PRKCH: variants seen among roughly 807,000 people sequenced by gnomAD.
PRKCH encodes protein kinase C eta, also known as protein kinase C eta type.
In PRKCH, 28 loss-of-function variants were observed where a neutral mutation model predicts 82.5. The ratio of observed to expected loss-of-function variants is 0.34; its 90% CI spans 0.25 to 0.47. PRKCH has a LOEUF of 0.47. PRKCH is among the 20% of genes least tolerant of loss of function. PRKCH has a pLI of 1.00. For synonymous variants in PRKCH, 322 were observed against 327.4 expected, an observed-to-expected ratio of 0.98 and a Z score of 0.18; for missense variants, 705 against 881.8, an observed-to-expected ratio of 0.80 and a Z score of 2.54.
intron 1 of PRKCH, among the ~76,000 whole-genome samples, chr14:61,385,830 G>A (rs1379716287): frequency 6.6e-6 from 1 of 152,148 alleles, no homozygotes; most frequent in African/African-American, 2.4e-5. Flanking sequence ...TGGGGACAGG[G>A]CATAATGACT....
intron 13 of PRKCH, among the ~76,000 whole-genome samples, chr14:61,548,915 G>T (rs1368767893): frequency 6.6e-6 from 1 of 150,386 alleles, no homozygotes; most frequent in African/African-American, 2.4e-5. Context: ...GGTAAGAGCA[G>T]TGAGATGTGT....
intron 1 of PRKCH, chr14:61,353,387 G>A (rs2140151841): frequency 6.6e-6 from 1 of 152,222 alleles, no homozygotes; most frequent in South Asian, 2.1e-4. Context: ...ATCTGTAGCT[G>A]TTTGAGACTT....
At chr14:61,355,276 C>T (rs1189719807) in intron 1 of PRKCH, among the ~76,000 whole-genome samples, 4 of 152,104 alleles carry the variant, frequency 2.6e-5, no homozygotes, top group Admixed American at 2.6e-4. Context: ...TTGCACTGAA[C>T]ACCATTATCA....
At chr14:61,526,626 G>T (rs1444327791) in intron 10 of PRKCH, among the ~76,000 whole-genome samples, 1 of 152,222 alleles carries the variant, frequency 6.6e-6, no homozygotes, top group Non-Finnish European at 1.5e-5. Context: ...ATCCAGGCTG[G>T]ACAGAGACCA....
At chr14:61,369,546 C>G (rs1308768270) in intron 1 of PRKCH, among the ~76,000 whole-genome samples, 1 of 152,036 alleles carries the variant, frequency 6.6e-6, no homozygotes, top group Non-Finnish European at 1.5e-5. Context: ...CTTTTCCCAG[C>G]CTTGATTTCC....
chr14:61,280,405 T>C lies in PRKCH; in HGVS notation c.-19+92737T>C, dbSNP rs375354611. 2.5e-6 allele frequency: 4 copies of C among 1,613,856 alleles called. No homozygotes were observed. The highest frequency in any genetic ancestry group is 3.4e-6 in the Non-Finnish European group (4 of 1,179,902). On this transcript the variant is annotated intron_variant, in intron 1 of 3. Transcript: ENST00000555185. The surrounding 1 kb of genome is among the most constrained non-coding windows in gnomAD (Gnocchi z 5.0). ...CGTGCGCATCCACACCACGAAGTCC[T>C]GATTGATGAAGCCGGTGTTGTTGGG... is the stretch of plus-strand genomic sequence containing the variant.
At chr14:61,262,402 G>A (rs1008359369) in intron 1 of PRKCH, among the ~76,000 whole-genome samples, 8 of 152,048 alleles carry the variant, frequency 5.3e-5, no homozygotes, top group Non-Finnish European at 1.0e-4. Flanking sequence ...AATCTCAAAA[G>A]CATTGCGGGG....
intron 1 of PRKCH, among the ~76,000 whole-genome samples, chr14:61,214,097 C>T (rs954116475): frequency 3.9e-5 from 6 of 152,174 alleles, no homozygotes; most frequent in African/African-American, 7.2e-5. Flanking sequence ...AAGCAGCCCA[C>T]GTGAGTCACA....
At chr14:61,266,085 G>A (rs947540735) in intron 1 of PRKCH, among the ~76,000 whole-genome samples, 24 of 151,166 alleles carry the variant, frequency 1.6e-4, no homozygotes, top group Non-Finnish European at 3.1e-4. Context: ...CTTTAAGAGG[G>A]AGAAAGAGTT....
At chr14:61,445,904 G>C (rs1401569525) in intron 4 of PRKCH, among the ~76,000 whole-genome samples, 178 bp downstream of exon 4, 2 of 152,120 alleles carry the variant, frequency 1.3e-5, no homozygotes, top group Admixed American at 6.5e-5. Flanking sequence ...CCATATTTTA[G>C]ACAATGTAAA....
chr14:61,216,849 G>T lies in PRKCH; in HGVS notation c.-19+29181G>T, dbSNP rs2044619743. 1.3e-5 allele frequency among the ~76,000 whole-genome samples: 2 copies of T among 152,172 alleles called. 1 individual carries two copies. The highest frequency in any genetic ancestry group is 2.9e-5 in the Non-Finnish European group (2 of 68,030). On this transcript the variant is annotated intron_variant, in intron 1 of 3. Coordinates refer to the PRKCH transcript ENST00000555185. Reference sequence around the variant, plus strand: ...TAATCTAATATGGCTGTTTCTTTATGAGAAAAACTTGGAGCCAGGTCAGGG... The same window carrying T: ...TAATCTAATATGGCTGTTTCTTTATTAGAAAAACTTGGAGCCAGGTCAGGG...
chr14:61,228,868 C>T (rs948694955), intron 1 of PRKCH, among the ~76,000 whole-genome samples: 25 of 151,526 alleles, frequency 1.6e-4, no homozygotes, highest in Non-Finnish European at 3.5e-4. Context: ...TAGTGAGATC[C>T]TCTCCCTTTA....
intron 2 of PRKCH, among the ~76,000 whole-genome samples, chr14:61,430,496 A>G (rs972102539): frequency 1.9e-4 from 29 of 152,346 alleles, no homozygotes; most frequent in African/African-American, 7.0e-4. Context: ...ATAGAAAAGC[A>G]GATGCCAGCC....
At chr14:61,396,448 A>G (rs1231935073) in intron 2 of PRKCH, among the ~76,000 whole-genome samples, 1 of 152,230 alleles carries the variant, frequency 6.6e-6, no homozygotes, top group Non-Finnish European at 1.5e-5. Flanking sequence ...TAATCACATC[A>G]TAGATGCTGG....
chr14:61,213,559 G>T (rs2044597525), intron 1 of PRKCH, among the ~76,000 whole-genome samples: 1 of 152,206 alleles, frequency 6.6e-6, no homozygotes, highest in Non-Finnish European at 1.5e-5. Flanking sequence ...CTGTTATGGT[G>T]TCACGTGGTG....
chr14:61,368,347 C>T (rs750609528), intron 1 of PRKCH, among the ~76,000 whole-genome samples: 12 of 151,976 alleles, frequency 7.9e-5, no homozygotes, highest in Middle Eastern at 3.2e-3. Flanking sequence ...ACCGTGTCCC[C>T]AAGATGATCT....
chr14:61,282,491 T>A (rs570342829), intron 1 of PRKCH, among the ~76,000 whole-genome samples: 1 of 152,258 alleles, frequency 6.6e-6, no homozygotes, highest in African/African-American at 2.4e-5. Flanking sequence ...ACTTGGAAAG[T>A]TAAAATCCTT....
chr14:61,356,151 G>C (rs576313263), intron 1 of PRKCH, among the ~76,000 whole-genome samples: 35 of 152,310 alleles, frequency 2.3e-4, no homozygotes, highest in African/African-American at 7.2e-4. Flanking sequence ...GAAGTGGAGG[G>C]GGGTGGCAGG....
intron 1 of PRKCH, among the ~76,000 whole-genome samples, chr14:61,283,383 A>T (rs902629131): frequency 1.3e-5 from 2 of 152,202 alleles, no homozygotes; most frequent in Admixed American, 1.3e-4. Flanking sequence ...AGTTAAACAC[A>T]GCTGAGGGTT....
Sources: allele counts gnomAD v4.1 joint callset (sites outside exome capture counted in the v4.1 genomes callset), GRCh38; gene constraint gnomAD v4.1.1; non-coding constraint Gnocchi (gnomAD v3.1); transcripts MANE v1.5; gene names NCBI Gene and HGNC (gene_info 2026-07-23, HGNC 2026-07-21).